STK32C: variants seen among roughly 807,000 people sequenced by gnomAD.
The protein encoded by STK32C is serine/threonine-protein kinase 32C.
In STK32C, 31 loss-of-function variants were observed where a neutral mutation model predicts 56.5. The observed-to-expected ratio is 0.55, with a 90% confidence interval of 0.41 to 0.74. STK32C has a LOEUF of 0.74. STK32C is among the 30% of genes least tolerant of loss of function. The probability of loss-of-function intolerance (pLI) is 0.00; values close to 1 mark genes in which losing one functional copy is unlikely to be tolerated. For missense variants in STK32C, 544 were observed against 676.9 expected (o/e 0.80, Z 2.18); for synonymous variants, 309 against 289.4 (o/e 1.07, Z -0.69).
chr10:132,235,494 T>TAAAAAA (rs56193362), intron 2 of STK32C, among the ~76,000 whole-genome samples: 1 of 108,118 alleles, frequency 9.2e-6, no homozygotes, highest in Non-Finnish European at 1.7e-5. Flanking sequence ...GACTCAGCCT[T>TAAAAAA]AAAAAAAAAA....
intron 10 of STK32C, among the ~76,000 whole-genome samples, chr10:132,218,054 G>A (rs1022746037): frequency 1.3e-5 from 2 of 152,152 alleles, no homozygotes; most frequent in African/African-American, 4.8e-5. Context: ...AGGCACAGTG[G>A]CTCACATCTG....
intron 1 of STK32C, among the ~76,000 whole-genome samples, chr10:132,272,189 C>T (rs977591219): frequency 6.6e-6 from 1 of 152,182 alleles, no homozygotes; most frequent in Non-Finnish European, 1.5e-5. Context: ...AGCAAGGTCA[C>T]GTGGGTGGGC....
intron 8 of STK32C, among the ~76,000 whole-genome samples, chr10:132,223,652 G>A (rs2062765789): frequency 6.6e-6 from 1 of 152,190 alleles, no homozygotes; most frequent in Non-Finnish European, 1.5e-5. Flanking sequence ...AGAGGCCCCG[G>A]CAGGCAAGGC....
upstream of STK32C, chr10:132,307,996 C>A (rs1463462047): frequency 5.2e-5 from 40 of 765,244 alleles, no homozygotes; most frequent in South Asian, 3.9e-4. The surrounding 1 kb of genome is among the most constrained non-coding windows in gnomAD (Gnocchi z 4.4). Context: ...GGGGGCGGGG[C>A]AGGGGCGGGG....
intron 1 of STK32C, among the ~76,000 whole-genome samples, chr10:132,278,743 G>A (rs1284852002): frequency 1.5e-5 from 2 of 134,528 alleles, no homozygotes; most frequent in African/African-American, 2.9e-5. Context: ...CTGGGCGACA[G>A]AGCGAGACTG....
intron 1 of STK32C, among the ~76,000 whole-genome samples, chr10:132,252,715 A>G (rs2063952683): frequency 6.6e-6 from 1 of 152,268 alleles, no homozygotes; most frequent in Non-Finnish European, 1.5e-5. Context: ...CCAAAGGGCC[A>G]CAGACACAGT....
chr10:132,330,435 T>G (rs1172740850), intron 1 of STK32C: 3 of 717,236 alleles, frequency 4.2e-6, no homozygotes, highest in East Asian at 2.7e-5. Context: ...TCTGCCCGGG[T>G]GGCTGGCCTC....
At position 132,295,687 on chromosome 10, in the gene STK32C, C is replaced by T. The variant is rs925302140; in HGVS notation, c.262+11885G>A. Among the ~76,000 whole-genome samples the T allele has an allele frequency of 4.6e-5, 7 of 152,150 alleles. No individual in the cohort carries two copies. In the East Asian group the frequency reaches 7.7e-4, roughly 17 times the overall value. ...GATCACGAGGTCAGGAGTTTGAGAC[C>T]AGCATGGCCGACATGGCGAAACTCT... On this transcript the variant is annotated intron_variant, in intron 1 of 11. Coordinates refer to ENST00000298630, the MANE Select transcript of STK32C (RefSeq NM_173575.4).
chr10:132,289,665 G>A (rs1287397037), intron 1 of STK32C, among the ~76,000 whole-genome samples: 2 of 152,284 alleles, frequency 1.3e-5, no homozygotes, highest in East Asian at 1.9e-4. Context: ...CCCACTTCTC[G>A]GCTCCTAAAC....
chr10:132,225,255 GCCATCACCC>G lies in STK32C; in HGVS notation c.845_853del (p.Gly282_Met284del). ...TACCCATCCTCGCAGCAGCTCATAG[GCCATCACCC>G]CCACCGACCACCAGTCCACCTCGAA... On this transcript the variant is annotated inframe_deletion, in exon 7 of 12. Coordinates refer to ENST00000298630, the MANE Select transcript of STK32C (RefSeq NM_173575.4). The G allele has an allele frequency of 6.2e-7, 1 of 1,611,758 alleles. No individual in the cohort carries two copies. Among genetic ancestry groups the G allele is most frequent in the Non-Finnish European group, 8.5e-7 (1 of 1,179,280 alleles).
intron 10 of STK32C, among the ~76,000 whole-genome samples, chr10:132,216,467 C>CAAAAAAA: frequency 8.2e-6 from 1 of 121,418 alleles, no homozygotes; most frequent in East Asian, 2.3e-4. Context: ...AAGACTGTCT[C>CAAAAAAA]AAAAAAAAAA....
At chr10:132,254,163 G>A (rs11591224) in intron 1 of STK32C, among the ~76,000 whole-genome samples, 1 of 152,136 alleles carries the variant, frequency 6.6e-6, no homozygotes, top group African/African-American at 2.4e-5. Context: ...CAAAAAATTA[G>A]CCAGGCATAG....
chr10:132,239,289 G>T (rs1159754725), intron 2 of STK32C, among the ~76,000 whole-genome samples: 1 of 152,168 alleles, frequency 6.6e-6, no homozygotes, highest in East Asian at 1.9e-4. Context: ...AGGAGAGCAG[G>T]TCAGCTCAAC....
chr10:132,326,040 G>A (rs747176772), intron 1 of STK32C, among the ~76,000 whole-genome samples: 4 of 152,022 alleles, frequency 2.6e-5, no homozygotes, highest in Non-Finnish European at 4.4e-5. Flanking sequence ...TATCAGCAGC[G>A]TGAAAATGGA....
intron 1 of STK32C, among the ~76,000 whole-genome samples, chr10:132,253,565 G>A (rs1267206595): frequency 1.4e-5 from 2 of 139,982 alleles, no homozygotes; most frequent in Non-Finnish European, 3.1e-5. Flanking sequence ...GGAGGGAGTC[G>A]AGGGAGCTGG....
chr10:132,277,314 C>T (rs1039621285), intron 1 of STK32C, among the ~76,000 whole-genome samples: 1 of 152,218 alleles, frequency 6.6e-6, no homozygotes, highest in Non-Finnish European at 1.5e-5. Context: ...AGTTGCAGCA[C>T]AGAGACGGCC....
At chr10:132,270,983 G>A (rs1390899889) in intron 1 of STK32C, among the ~76,000 whole-genome samples, 14 of 152,166 alleles carry the variant, frequency 9.2e-5, no homozygotes, top group Non-Finnish European at 8.8e-5. Flanking sequence ...CCAATCAGAG[G>A]GGGTGATCTG....
intron 1 of STK32C, among the ~76,000 whole-genome samples, chr10:132,278,793 A>G (rs1418772536): frequency 2.6e-5 from 4 of 152,030 alleles, no homozygotes; most frequent in Non-Finnish European, 5.9e-5. Context: ...AAATACTACA[A>G]ACTGAGAAAA....
At chr10:132,280,677 C>G (rs2065165918) in intron 1 of STK32C, among the ~76,000 whole-genome samples, 1 of 149,124 alleles carries the variant, frequency 6.7e-6, no homozygotes, top group Non-Finnish European at 1.5e-5. Context: ...ACTCCGTGAT[C>G]ACGCACCTCC....
Sources: gnomAD v4.1 joint callset for allele counts (sites outside exome capture counted in the v4.1 genomes callset) on GRCh38, gnomAD v4.1.1 for gene constraint, Gnocchi (gnomAD v3.1) non-coding constraint, MANE v1.5 for transcripts, NCBI Gene and HGNC (gene_info 2026-07-23, HGNC 2026-07-21) for gene names.